TTC28: variants seen among roughly 807,000 people sequenced by gnomAD.
TTC28 encodes the protein tetratricopeptide repeat protein 28.
In TTC28, 61 loss-of-function variants were observed where a neutral mutation model predicts 198.0. The ratio of observed to expected loss-of-function variants is 0.31; its 90% CI spans 0.25 to 0.38. The LOEUF (loss-of-function observed/expected upper bound fraction) is 0.38, where lower values mean the gene tolerates loss of function less well. Ranked by LOEUF, TTC28 falls within the 10% of genes least tolerant of loss-of-function variation. The pLI is 1.00. For synonymous variants in TTC28, 1,171 were observed against 1,297.8 expected, an observed-to-expected ratio of 0.90 and a Z score of 2.10; for missense variants, 2,678 against 3,164.0, an observed-to-expected ratio of 0.85 and a Z score of 3.69.
chr22:28,170,210 G>A (rs549284489), intron 5 of TTC28, among the ~76,000 whole-genome samples: 7 of 152,188 alleles, frequency 4.6e-5, no homozygotes, highest in South Asian at 2.1e-4. Flanking sequence ...AAATTAGGCC[G>A]GGTGCGGTGG....
At chr22:28,576,225 C>T (rs1569035586) in intron 2 of TTC28, among the ~76,000 whole-genome samples, 1 of 151,516 alleles carries the variant, frequency 6.6e-6, no homozygotes, top group Non-Finnish European at 1.5e-5. Context: ...TTATCAAATG[C>T]TTTTTCAGCA....
At chr22:28,368,466 T>C (rs1352179679) in intron 2 of TTC28, among the ~76,000 whole-genome samples, 1 of 152,094 alleles carries the variant, frequency 6.6e-6, no homozygotes, top group East Asian at 1.9e-4. Context: ...ACTGAAAGCC[T>C]TTCCTCTAAG....
intron 2 of TTC28, among the ~76,000 whole-genome samples, chr22:28,314,364 T>C (rs552871291): frequency 4.6e-5 from 7 of 152,272 alleles, no homozygotes; most frequent in Admixed American, 1.3e-4. Context: ...AAAAAACTAC[T>C]TTAAAGTTCA....
intron 2 of TTC28, among the ~76,000 whole-genome samples, chr22:28,581,542 A>T (rs1171148645): frequency 6.6e-6 from 1 of 152,258 alleles, no homozygotes; most frequent in African/African-American, 2.4e-5. Context: ...GGAGGTAATT[A>T]TCATGAGTAA....
intron 2 of TTC28, among the ~76,000 whole-genome samples, chr22:28,595,065 T>C (rs1428332790): frequency 6.6e-6 from 1 of 152,116 alleles, no homozygotes; most frequent in East Asian, 1.9e-4. Flanking sequence ...ATAAATAATC[T>C]TTTTTTAAAA....
chr22:28,601,900 T>A (rs16986546), intron 2 of TTC28, among the ~76,000 whole-genome samples: 2,418 of 152,226 alleles, frequency 0.016, 87 homozygotes, highest in African/African-American at 0.056. Context: ...CCAACTCCTA[T>A]TCTGATATAT....
intron 2 of TTC28, among the ~76,000 whole-genome samples, chr22:28,374,680 G>T (rs563914107): frequency 9.8e-4 from 149 of 151,984 alleles, no homozygotes; most frequent in African/African-American, 3.3e-3. Flanking sequence ...TAAGTTTTTT[G>T]TTTGTTTGTT....
intron 2 of TTC28, among the ~76,000 whole-genome samples, chr22:28,494,124 T>C (rs2048418893): frequency 6.6e-6 from 1 of 152,194 alleles, no homozygotes; most frequent in South Asian, 2.1e-4. Context: ...GCCTTTGTTC[T>C]TTAAAAATGT....
chr22:28,476,738 T>C (rs2099905202), intron 2 of TTC28, among the ~76,000 whole-genome samples: 1 of 152,114 alleles, frequency 6.6e-6, no homozygotes, highest in South Asian at 2.1e-4. Context: ...AAAATTGAAA[T>C]ACACTAAGCC....
At chr22:28,342,089 T>C (rs1240259049) in intron 2 of TTC28, among the ~76,000 whole-genome samples, 10 of 152,240 alleles carry the variant, frequency 6.6e-5, no homozygotes, top group Non-Finnish European at 1.2e-4. Context: ...AAGTGATCTA[T>C]CTTTGGGTTT....
chr22:28,082,658 T>C (rs1269772293), intron 12 of TTC28, among the ~76,000 whole-genome samples: 1 of 152,222 alleles, frequency 6.6e-6, no homozygotes, highest in Non-Finnish European at 1.5e-5. Flanking sequence ...CTGGTATTTT[T>C]TGAGGATTTT....
intron 2 of TTC28, among the ~76,000 whole-genome samples, chr22:28,321,970 TAC>T (rs2045453100): frequency 6.6e-6 from 1 of 152,130 alleles, no homozygotes; most frequent in African/African-American, 2.4e-5. Context: ...TAGCTGGGAC[TAC>T]AGGTGCCCAC....
At position 28,531,477 on chromosome 22, in the gene TTC28, A is replaced by C. The variant is rs535632545; in HGVS notation, c.381+98075T>G. On this transcript the variant is annotated intron_variant, in intron 2 of 22. Transcript: ENST00000397906. ...TAATAATGGGAGATTTTAACACCCC[A>C]CTGTCAACATTAAACAGATCAATGA... Among the ~76,000 whole-genome samples, 36 of 152,330 alleles carry C rather than the reference A, an allele frequency of 2.4e-4. No homozygotes were observed. In the East Asian group the frequency reaches 6.4e-3, roughly 27 times the overall value.
intron 10 of TTC28, among the ~76,000 whole-genome samples, chr22:28,097,867 C>A (rs1308012264): frequency 6.6e-6 from 1 of 152,120 alleles, no homozygotes; most frequent in Non-Finnish European, 1.5e-5. Flanking sequence ...GAAAATCGGC[C>A]CCTAGGTGCT....
At chr22:28,600,942 G>A (rs976880506) in intron 2 of TTC28, among the ~76,000 whole-genome samples, 2 of 151,866 alleles carry the variant, frequency 1.3e-5, no homozygotes, top group Admixed American at 6.6e-5. Flanking sequence ...CTAAAATTCC[G>A]TGTCTAAATT....
At chr22:28,354,368 T>C (rs895277463) in intron 2 of TTC28, among the ~76,000 whole-genome samples, 1 of 152,200 alleles carries the variant, frequency 6.6e-6, no homozygotes, top group African/African-American at 2.4e-5. Context: ...TTCTGAAACA[T>C]GCTACCTCAT....
chr22:28,524,459 CAAA>C (rs34261097), intron 2 of TTC28, among the ~76,000 whole-genome samples: 9 of 59,216 alleles, frequency 1.5e-4, no homozygotes, highest in African/African-American at 2.0e-4. Context: ...GAAGCCAGCT[CAAA>C]AAAAAAAAAA....
At chr22:28,653,578 C>A (rs182450630) in intron 1 of TTC28, among the ~76,000 whole-genome samples, 54 of 151,836 alleles carry the variant, frequency 3.6e-4, no homozygotes, top group Admixed American at 2.8e-3. Context: ...GATGGAGAGA[C>A]CGCTCATACC....
chr22:28,557,825 G>A (rs542638562), intron 2 of TTC28, among the ~76,000 whole-genome samples: 1 of 152,000 alleles, frequency 6.6e-6, no homozygotes, highest in Non-Finnish European at 1.5e-5. Context: ...AGGAACTATG[G>A]GCTCTATCAA....
Sources: gnomAD v4.1 joint callset for allele counts (sites outside exome capture counted in the v4.1 genomes callset) on GRCh38, gnomAD v4.1.1 for gene constraint, MANE v1.5 for transcripts, NCBI Gene and HGNC (gene_info 2026-07-23, HGNC 2026-07-21) for gene names.